Variants in ADAMTSL1 observed in about 807,000 individuals in gnomAD.
The protein encoded by ADAMTSL1 is ADAMTS like 1.
ADAMTSL1 carries 126 observed loss-of-function variants against 201.8 expected under a neutral mutation model. The observed-to-expected ratio is 0.62, with a 90% CI of 0.54 to 0.72. The LOEUF (loss-of-function observed/expected upper bound fraction) is 0.72. Ranked by LOEUF, ADAMTSL1 falls within the 30% of genes least tolerant of loss-of-function variation. The pLI is 0.00. For synonymous variants in ADAMTSL1, 1,121 were observed against 903.4 expected (o/e 1.24, Z -4.32); for missense variants, 2,679 against 2,277.8 (o/e 1.18, Z -3.59).
intron 23 of ADAMTSL1, among the ~76,000 whole-genome samples, chr9:18,866,977 C>G (rs1373209433): frequency 6.6e-6 from 1 of 152,196 alleles, no homozygotes; most frequent in Non-Finnish European, 1.5e-5. Flanking sequence ...GGAACAAATC[C>G]TTTTAAAGAC....
At chr9:18,218,621 GT>G in intron 2 of ADAMTSL1, among the ~76,000 whole-genome samples, 1 of 152,038 alleles carries the variant, frequency 6.6e-6, no homozygotes, top group East Asian at 1.9e-4. Context: ...TTAGGTGATT[GT>G]TTTTATCTTA....
intron 9 of ADAMTSL1, among the ~76,000 whole-genome samples, chr9:18,672,316 C>G (rs1829872626): frequency 6.6e-6 from 1 of 151,808 alleles, no homozygotes; most frequent in Non-Finnish European, 1.5e-5. Context: ...CTTCATAGTT[C>G]CAAAGTTTCT....
rs148334434 is a variant in ADAMTSL1, at chr9:18,293,593, T to A, written c.207+129612T>A. Among the ~76,000 whole-genome samples, 3 of 152,302 alleles carry A rather than the reference T, an allele frequency of 2.0e-5. No homozygotes were observed. The East Asian group carries it at 5.8e-4, about 29-fold the overall frequency. On this transcript the variant is annotated intron_variant, in intron 2 of 29. Coordinates refer to the ADAMTSL1 transcript ENST00000680146. Reference sequence around the variant, plus strand: ...AAGATGAACTTTCCTGACTTCACACTTTTTCTCAGGCCATACCAGAGTAAG... The same window carrying A: ...AAGATGAACTTTCCTGACTTCACACATTTTCTCAGGCCATACCAGAGTAAG...
chr9:18,883,796 T>G (rs1371987532), intron 23 of ADAMTSL1, among the ~76,000 whole-genome samples: 1 of 152,218 alleles, frequency 6.6e-6, no homozygotes. Flanking sequence ...ATATACCACA[T>G]TTTGTTTATC....
chr9:18,777,789 A>G lies in ADAMTSL1; in HGVS notation c.3560A>G (p.Gln1187Arg), dbSNP rs1179729630. The change falls in exon 19 of 29, where the codon CAG becomes CGG. Residue 1187 changes from glutamine (Q) to arginine (R), a missense_variant. Physicochemically the swap from Gln to Arg is conservative, Grantham distance 43 (BLOSUM62 1). Transcript: ENST00000380548. ...TCGGAGGTGGTCACCCACCTGGGGC[A>G]GACGGTGGCCCTGGCCAGCGGGACA... ...SASEVVTHLG[Q>R]TVALASGTLS... 6.2e-7 allele frequency: 1 copy of G among 1,613,804 alleles called. No individual in the cohort carries two copies. Among genetic ancestry groups the G allele is most frequent in the Non-Finnish European group, 8.5e-7 (1 of 1,179,826 alleles).
intron 2 of ADAMTSL1, among the ~76,000 whole-genome samples, chr9:18,391,499 G>A (rs1279650833): frequency 2.6e-5 from 4 of 152,108 alleles, no homozygotes; most frequent in Non-Finnish European, 5.9e-5. Flanking sequence ...AGGCTGGAGA[G>A]CAGTGGTGCC....
At chr9:18,699,470 G>A (rs1018659723) in intron 13 of ADAMTSL1, among the ~76,000 whole-genome samples, 4 of 151,868 alleles carry the variant, frequency 2.6e-5, no homozygotes, top group African/African-American at 7.3e-5. Context: ...GACTACAGGT[G>A]TGTGCTACCA....
intron 2 of ADAMTSL1, among the ~76,000 whole-genome samples, chr9:18,276,171 C>A (rs1475013743): frequency 6.6e-6 from 1 of 152,000 alleles, no homozygotes; most frequent in Non-Finnish European, 1.5e-5. Flanking sequence ...AGACCTATCA[C>A]CCCTGCCCCT....
chr9:18,702,683 G>T (rs1831989085), intron 13 of ADAMTSL1, among the ~76,000 whole-genome samples: 1 of 152,016 alleles, frequency 6.6e-6, no homozygotes, highest in African/African-American at 2.4e-5. Flanking sequence ...TCAGTTACTT[G>T]TGAAGTTTAC....
At chr9:18,235,045 C>T (rs993986534) in intron 2 of ADAMTSL1, among the ~76,000 whole-genome samples, 6 of 152,118 alleles carry the variant, frequency 3.9e-5, no homozygotes, top group African/African-American at 1.4e-4. Flanking sequence ...TGTTTTATTG[C>T]TGTTAACCAA....
At chr9:18,180,525 T>A (rs1587244912) in intron 2 of ADAMTSL1, among the ~76,000 whole-genome samples, 1 of 83,718 alleles carries the variant, frequency 1.2e-5, no homozygotes, top group Admixed American at 1.9e-4. Flanking sequence ...AGAGCGAGAC[T>A]CCGTGTCAAA....
intron 2 of ADAMTSL1, among the ~76,000 whole-genome samples, chr9:18,361,466 C>G (rs1443187363): frequency 6.6e-6 from 1 of 152,108 alleles, no homozygotes; most frequent in Non-Finnish European, 1.5e-5. Flanking sequence ...TGATAAATGT[C>G]TTTATGGCTG....
chr9:18,282,368 G>T (rs1338856664), intron 2 of ADAMTSL1, among the ~76,000 whole-genome samples: 1 of 152,284 alleles, frequency 6.6e-6, no homozygotes, highest in East Asian at 1.9e-4. Flanking sequence ...GTGCTGCAAT[G>T]AACATACAAG....
At chr9:18,357,660 A>G (rs1302530652) in intron 2 of ADAMTSL1, among the ~76,000 whole-genome samples, 1 of 152,024 alleles carries the variant, frequency 6.6e-6, no homozygotes, top group Non-Finnish European at 1.5e-5. Flanking sequence ...AGTTGTATGT[A>G]TTTGTTCTTA....
intron 2 of ADAMTSL1, among the ~76,000 whole-genome samples, chr9:18,380,967 G>A (rs1837534262): frequency 6.6e-6 from 1 of 152,180 alleles, no homozygotes; most frequent in Non-Finnish European, 1.5e-5. Flanking sequence ...GAAAACCCCT[G>A]TGGGTAGCGT....
chr9:18,903,095 C>T (rs1252931523), intron 26 of ADAMTSL1, among the ~76,000 whole-genome samples: 2 of 152,122 alleles, frequency 1.3e-5, no homozygotes, highest in African/African-American at 2.4e-5. Flanking sequence ...GTCCCAGCTA[C>T]TTGGGATGCT....
At chr9:18,681,357 A>G (rs1435891490) in intron 11 of ADAMTSL1, 2 of 152,408 alleles carry the variant, frequency 1.3e-5, no homozygotes, top group African/African-American at 2.4e-5. Flanking sequence ...CAATGCTGCA[A>G]TATAATTTAG....
chr9:18,237,242 G>C (rs1334886128), intron 2 of ADAMTSL1, among the ~76,000 whole-genome samples: 1 of 152,208 alleles, frequency 6.6e-6, no homozygotes, highest in East Asian at 1.9e-4. Flanking sequence ...GGCTGCTTAA[G>C]TCCCTGGAAT....
intron 2 of ADAMTSL1, among the ~76,000 whole-genome samples, chr9:18,278,082 G>A (rs1382931074): frequency 6.6e-6 from 1 of 151,924 alleles, no homozygotes; most frequent in Non-Finnish European, 1.5e-5. Flanking sequence ...TATGTTATTA[G>A]TGCTGCAATT....
Sources: gnomAD v4.1 joint callset for allele counts (sites outside exome capture counted in the v4.1 genomes callset) on GRCh38, gnomAD v4.1.1 for gene constraint, MANE v1.5 for transcripts, NCBI Gene and HGNC (gene_info 2026-07-23, HGNC 2026-07-21) for gene names.